ITGA9: variants seen among roughly 807,000 people sequenced by gnomAD.
ITGA9 encodes integrin alpha-9.
ITGA9 carries 56 observed loss-of-function variants against 127.8 expected under a neutral mutation model. The ratio of observed to expected loss-of-function variants is 0.44; its 90% CI spans 0.35 to 0.55. ITGA9 has a LOEUF of 0.55. Ranked by LOEUF, ITGA9 falls within the 20% of genes least tolerant of loss-of-function variation. The pLI is 0.00. For missense variants in ITGA9, 1,196 were observed against 1,347.1 expected (o/e 0.89, Z 1.76); for synonymous variants, 508 against 514.5 (o/e 0.99, Z 0.17).
intron 19 of ITGA9, among the ~76,000 whole-genome samples, chr3:37,735,857 A>G (rs1696355022): frequency 6.6e-6 from 1 of 152,216 alleles, no homozygotes; most frequent in African/African-American, 2.4e-5. Flanking sequence ...TGACCCTAAC[A>G]GTGACCCTTT....
rs1697363311 is a variant in ITGA9, at chr3:37,811,068, G to C, written c.3009+7126G>C. 5.3e-5 allele frequency among the ~76,000 whole-genome samples: 8 copies of C among 152,164 alleles called. No homozygotes were observed. In the South Asian group the frequency reaches 1.4e-3, roughly 28 times the overall value. ...GGCTCTGACACAAAATCCACAATGA[G>C]GGCCCCAAGCTAACCAGACCGCTCT... On this transcript the variant is annotated intron_variant, in intron 27 of 27. Coordinates refer to ENST00000264741, the MANE Select transcript of ITGA9 (RefSeq NM_002207.3).
intron 17 of ITGA9, among the ~76,000 whole-genome samples, chr3:37,663,398 C>A (rs1369368775): frequency 6.6e-6 from 1 of 152,186 alleles, no homozygotes; most frequent in African/African-American, 2.4e-5. Context: ...AAAGACACAG[C>A]AGGATATCTG....
chr3:37,803,470 A>G (rs1423078695), intron 26 of ITGA9, among the ~76,000 whole-genome samples: 1 of 152,188 alleles, frequency 6.6e-6, no homozygotes, highest in Admixed American at 6.5e-5. Context: ...GGGCTCCATC[A>G]TGCTCTGCGC....
intron 15 of ITGA9, among the ~76,000 whole-genome samples, chr3:37,579,718 T>C (rs1699687418): frequency 6.6e-6 from 1 of 152,176 alleles, no homozygotes; most frequent in Admixed American, 6.5e-5. Context: ...TTCTGCCAAA[T>C]ATTCTGTTTA....
intron 15 of ITGA9, among the ~76,000 whole-genome samples, chr3:37,582,837 A>C (rs1303801551): frequency 6.6e-6 from 1 of 152,170 alleles, no homozygotes; most frequent in African/African-American, 2.4e-5. Context: ...TGTCTGTTCC[A>C]CTTCTGGCCT....
intron 15 of ITGA9, among the ~76,000 whole-genome samples, chr3:37,621,581 G>C (rs995091013): frequency 2.0e-5 from 3 of 152,134 alleles, no homozygotes; most frequent in Admixed American, 2.0e-4. Flanking sequence ...CACACACACA[G>C]ACTTTTCAAT....
intron 18 of ITGA9, among the ~76,000 whole-genome samples, chr3:37,728,146 C>A (rs1434229678): frequency 6.6e-6 from 1 of 152,174 alleles, no homozygotes; most frequent in Non-Finnish European, 1.5e-5. Flanking sequence ...GTTAAGTTCT[C>A]TAAGTTAAAG....
At position 37,518,771 on chromosome 3, in the gene ITGA9, CTTTTTTTTTTTTTTTTTTT is replaced by C. The variant is rs543297344; in HGVS notation, c.1142-476_1142-458del. On this transcript the variant is annotated intron_variant, in intron 10 of 27. Transcript: ENST00000264741. ...GTCAGCTTCTATAGTTTTCACTGTA[CTTTTTTTTTTTTTTTTTTT>C]TTTTTTTTTTTTGAGATGGAGTCTC... 4.6e-4 allele frequency among the ~76,000 whole-genome samples: 20 copies of C among 43,514 alleles called. No homozygotes were observed. In the South Asian group the frequency reaches 0.011, roughly 24 times the overall value. The allele number at this position is 43,514 out of a possible 152,430, so 28.5% of individuals were successfully genotyped here. A position where few individuals can be genotyped will look rare whatever the true frequency, so the allele number is the denominator to read the frequency against.
chr3:37,782,984 C>A (rs1227758557), intron 25 of ITGA9, among the ~76,000 whole-genome samples: 2 of 152,034 alleles, frequency 1.3e-5, no homozygotes, highest in Non-Finnish European at 2.9e-5. Flanking sequence ...CTAAAAAATA[C>A]AAAAATTAGC....
intron 16 of ITGA9, among the ~76,000 whole-genome samples, chr3:37,630,491 C>T (rs1700220632): frequency 6.6e-6 from 1 of 152,200 alleles, no homozygotes; most frequent in South Asian, 2.1e-4. Flanking sequence ...GAGTTGTCCT[C>T]ACCTTGAGGC....
intron 23 of ITGA9, among the ~76,000 whole-genome samples, chr3:37,754,815 G>C (rs1346240124): frequency 6.6e-6 from 1 of 152,120 alleles, no homozygotes; most frequent in Non-Finnish European, 1.5e-5. Flanking sequence ...TGTACGATGG[G>C]TATCCCACAA....
At chr3:37,615,436 T>A (rs1366061509) in intron 15 of ITGA9, among the ~76,000 whole-genome samples, 1 of 152,192 alleles carries the variant, frequency 6.6e-6, no homozygotes, top group East Asian at 1.9e-4. Flanking sequence ...TCTTTTTTGG[T>A]TGTGTCTCTG....
chr3:37,803,707 G>A (rs1414425616), intron 26 of ITGA9, 116 bp from the exon 27 acceptor site: 1 of 1,157,062 alleles, frequency 8.6e-7, no homozygotes, highest in Non-Finnish European at 1.3e-6. Flanking sequence ...CCAGGAGGTA[G>A]AGGTTGCAGT....
chr3:37,483,654 A>G (rs1410978558), intron 4 of ITGA9, among the ~76,000 whole-genome samples: 2 of 152,172 alleles, frequency 1.3e-5, no homozygotes, highest in African/African-American at 4.8e-5. Flanking sequence ...GGCTTCCTCC[A>G]CCTGGCATCC....
Position 37,820,892 on chromosome 3 carries a change from T to A in ITGA9, c.*1903T>A, listed in dbSNP as rs1436565861. The A allele has an allele frequency of 1.3e-5, 2 of 152,224 alleles. No homozygotes were observed. Among genetic ancestry groups the A allele is most frequent in the East Asian group, 3.8e-4 (2 of 5,200 alleles). 9.4% of individuals were successfully genotyped at this position (152,224 alleles called of 1,614,324 possible). A position where few individuals can be genotyped will look rare whatever the true frequency, so the allele number is the denominator to read the frequency against. On this transcript the variant is annotated 3_prime_UTR_variant, in exon 28 of 28. Transcript: ENST00000264741. The stretch of plus-strand genomic sequence containing the variant: ...TAACACGTTGGGAGTCCGTGAACAT[T>A]GTCAAAAAGACATCAAACTCAACTT...
rs77526810 is a variant in ITGA9, at chr3:37,499,607, A to T, written c.613-3571A>T. On this transcript the variant is annotated intron_variant, in intron 5 of 27. Transcript: ENST00000264741. ...ACTTGTGAACAGCACCAGAAAGGTCACAAGCATCATCCATAGGGAACAGAA... is the reference window on the plus strand; with the variant it reads ...ACTTGTGAACAGCACCAGAAAGGTCTCAAGCATCATCCATAGGGAACAGAA... Among the ~76,000 whole-genome samples the T allele has an allele frequency of 1.9e-3, 290 of 152,318 alleles. 2 individuals are homozygous for T. Among genetic ancestry groups the T allele is most frequent in the African/African-American group, 6.4e-3 (265 of 41,562 alleles).
chr3:37,801,840 C>T (rs143983552), intron 26 of ITGA9, among the ~76,000 whole-genome samples: 3 of 152,292 alleles, frequency 2.0e-5, no homozygotes, highest in East Asian at 3.9e-4. Flanking sequence ...AACTGAGGCT[C>T]AGAAACTGTG....
intron 16 of ITGA9, among the ~76,000 whole-genome samples, chr3:37,642,039 G>A (rs761236524): frequency 3.4e-4 from 52 of 152,090 alleles, no homozygotes; most frequent in Non-Finnish European, 1.0e-4. Context: ...CCAGGCTCAA[G>A]TGATCCTCCC....
intron 22 of ITGA9, chr3:37,748,461 G>T: frequency 3.4e-6 from 2 of 579,876 alleles, no homozygotes; most frequent in Non-Finnish European, 6.5e-6. Flanking sequence ...AGAAAAAGAA[G>T]GAAGCTGGCG....
Sources: allele counts gnomAD v4.1 joint callset (sites outside exome capture counted in the v4.1 genomes callset), GRCh38; gene constraint gnomAD v4.1.1; transcripts MANE v1.5; gene names NCBI Gene and HGNC (gene_info 2026-07-23, HGNC 2026-07-21).